Variants in TULP4 observed in about 807,000 individuals in gnomAD.
TULP4 encodes the protein TUB like protein 4.
In TULP4, 16 loss-of-function variants were observed where a neutral mutation model predicts 129.0. The observed-to-expected ratio is 0.12, with a 90% CI of 0.08 to 0.19. The LOEUF is 0.19. Among genes scored for constraint, TULP4 ranks in the 10% least tolerant of loss-of-function variants. The pLI is 1.00. For synonymous variants in TULP4, 998 were observed against 854.0 expected, an observed-to-expected ratio of 1.17 and a Z score of -2.94; for missense variants, 1,842 against 2,059.1, an observed-to-expected ratio of 0.89 and a Z score of 2.04.
rs3085241 is a variant in TULP4, at chr6:158,368,066, C to CAAAAAAA, written c.253-44983_253-44977dup. 1.4e-4 allele frequency among the ~76,000 whole-genome samples: 9 copies of CAAAAAAA among 65,012 alleles called. 1 individual carries two copies. Among genetic ancestry groups the CAAAAAAA allele is most frequent in the Admixed American group, 2.0e-4 (1 of 5,032 alleles). The allele number at this position is 65,012 out of a possible 152,430, so 42.7% of individuals were successfully genotyped here. ...ACTCCAGCCTGGGTGACCCTGTCTC[C>CAAAAAAA]AAAAAAAAAAAAAAAAAAAAAAGGA... On this transcript the variant is annotated intron_variant, in intron 1 of 13. Coordinates refer to ENST00000367097, the MANE Select transcript of TULP4 (RefSeq NM_020245.5).
chr6:158,338,565 T>C (rs370759219), intron 1 of TULP4, among the ~76,000 whole-genome samples: 4 of 152,208 alleles, frequency 2.6e-5, no homozygotes, highest in East Asian at 3.8e-4. Flanking sequence ...AGTGACCCTG[T>C]ATCCTTTGCG....
intron 1 of TULP4, among the ~76,000 whole-genome samples, chr6:158,349,823 A>G (rs1780455322): frequency 7.6e-6 from 1 of 131,570 alleles, no homozygotes; most frequent in Non-Finnish European, 1.6e-5. Flanking sequence ...CTCACCTCCC[A>G]GATGGGGCGG....
At chr6:158,295,562 GAACACC>G (rs1779012730) in intron 1 of TULP4, among the ~76,000 whole-genome samples, 1 of 151,446 alleles carries the variant, frequency 6.6e-6, no homozygotes, top group Admixed American at 6.6e-5. Context: ...AGAATAAAGT[GAACACC>G]CCGTAACTAC....
intron 1 of TULP4, among the ~76,000 whole-genome samples, chr6:158,368,984 G>T (rs1416270738): frequency 6.6e-6 from 1 of 152,024 alleles, no homozygotes; most frequent in Non-Finnish European, 1.5e-5. Flanking sequence ...GTGTTTGTTG[G>T]AGTTATTTTA....
intron 1 of TULP4, among the ~76,000 whole-genome samples, chr6:158,243,442 T>A (rs987986211): frequency 2.9e-5 from 4 of 135,692 alleles, no homozygotes; most frequent in African/African-American, 1.1e-4. Context: ...TGTGTGTGTT[T>A]ATATCATATC....
In TULP4 at chr6:158,491,472, T is replaced by TTTTCTTTC. The variant is rs201892013; in HGVS notation, c.1631+1779_1631+1786dup. On this transcript the variant is annotated intron_variant, in intron 9 of 13. Coordinates refer to ENST00000367097, the MANE Select transcript of TULP4 (RefSeq NM_020245.5). ...TTTCTTTCTTTTCTTTCTTTCTTTC[T>TTTTCTTTC]TTTCTTTCTTTCTTTCTTTCTTTCT... Among the ~76,000 whole-genome samples, 304 of 39,386 alleles carry TTTTCTTTC rather than the reference T, an allele frequency of 7.7e-3. 3 individuals are homozygous for TTTTCTTTC. The highest frequency in any genetic ancestry group is 0.053 in the Middle Eastern group (5 of 94). 25.8% of individuals were successfully genotyped at this position (39,386 alleles called of 152,430 possible). A position where few individuals can be genotyped will look rare whatever the true frequency, so the allele number is the denominator to read the frequency against.
At position 158,425,535 on chromosome 6, in the gene TULP4, AAT is replaced by A. The variant is rs199809197; in HGVS notation, c.382-4200_382-4199del. Among the ~76,000 whole-genome samples the A allele has an allele frequency of 2.7e-3, 384 of 140,712 alleles. 10 individuals carry two copies. The highest frequency in any genetic ancestry group is 8.1e-3 in the African/African-American group (310 of 38,252). 92.3% of individuals were successfully genotyped at this position (140,712 alleles called of 152,430 possible). On this transcript the variant is annotated intron_variant, in intron 2 of 13. Coordinates refer to ENST00000367097, the MANE Select transcript of TULP4 (RefSeq NM_020245.5). ...TCTCAAAAAAAAAAAAAAAAAAAAAAATGGCAGCCGACGCAAGTGTAAAATGA... is the reference window on the plus strand; with the variant it reads ...TCTCAAAAAAAAAAAAAAAAAAAAAAGGCAGCCGACGCAAGTGTAAAATGA...
chr6:158,472,044 C>T (rs1385140724), intron 6 of TULP4, among the ~76,000 whole-genome samples: 5 of 152,190 alleles, frequency 3.3e-5, no homozygotes, highest in Non-Finnish European at 1.5e-5. Context: ...TCCTTCCCGC[C>T]GTTTTAGCTC....
intron 1 of TULP4, among the ~76,000 whole-genome samples, chr6:158,407,174 A>G (rs1047040420): frequency 6.6e-6 from 1 of 152,260 alleles, no homozygotes; most frequent in Non-Finnish European, 1.5e-5. Flanking sequence ...GGCTTAAGAG[A>G]AACTCAGTAA....
chr6:158,236,038 G>A (rs1390018221), intron 1 of TULP4, among the ~76,000 whole-genome samples: 1 of 152,186 alleles, frequency 6.6e-6, no homozygotes, highest in East Asian at 1.9e-4. Flanking sequence ...AATTGCGGCT[G>A]ATGCAGATGT....
chr6:158,255,345 C>A (rs1487857632), intron 1 of TULP4, among the ~76,000 whole-genome samples: 2 of 152,130 alleles, frequency 1.3e-5, no homozygotes, highest in East Asian at 3.9e-4. Context: ...TTTAGAGAGC[C>A]TCTTGTCTCC....
intron 3 of TULP4, among the ~76,000 whole-genome samples, chr6:158,435,196 T>TC (rs1778724864): frequency 6.6e-6 from 1 of 152,108 alleles, no homozygotes; most frequent in African/African-American, 2.4e-5. Flanking sequence ...GACACCCATT[T>TC]CCCCCCACAG....
intron 1 of TULP4, among the ~76,000 whole-genome samples, chr6:158,316,428 C>T (rs1428559849): frequency 6.6e-6 from 1 of 152,058 alleles, no homozygotes; most frequent in Non-Finnish European, 1.5e-5. Context: ...TTCATTTTTC[C>T]ACTGAGTTTA....
chr6:158,380,445 A>C (rs1777294595), intron 1 of TULP4, among the ~76,000 whole-genome samples: 1 of 152,186 alleles, frequency 6.6e-6, no homozygotes, highest in Non-Finnish European at 1.5e-5. Flanking sequence ...GGCTAGAAGA[A>C]ATGTTCTTGA....
chr6:158,252,064 C>T (rs1008797243), intron 1 of TULP4, among the ~76,000 whole-genome samples: 2 of 152,152 alleles, frequency 1.3e-5, no homozygotes, highest in African/African-American at 2.4e-5. Flanking sequence ...TGAGTTTGGA[C>T]GGTTTTGAAA....
chr6:158,292,666 A>G (rs969043294), intron 1 of TULP4, among the ~76,000 whole-genome samples: 5 of 152,066 alleles, frequency 3.3e-5, no homozygotes, highest in African/African-American at 1.2e-4. Context: ...GTCTTTATCA[A>G]CGTTTATTCA....
At chr6:158,451,791 T>A (rs1210911837) in intron 4 of TULP4, among the ~76,000 whole-genome samples, 1 of 152,266 alleles carries the variant, frequency 6.6e-6, no homozygotes. Context: ...TTGGATGTTG[T>A]ATGACATTAA....
chr6:158,438,322 A>C (rs943407695), intron 3 of TULP4, among the ~76,000 whole-genome samples: 1 of 152,014 alleles, frequency 6.6e-6, no homozygotes, highest in African/African-American at 2.4e-5. Flanking sequence ...ATTTCCTTCC[A>C]TAACCACAGT....
intron 1 of TULP4, among the ~76,000 whole-genome samples, chr6:158,304,316 C>A (rs1247367339): frequency 6.6e-6 from 1 of 152,108 alleles, no homozygotes; most frequent in Admixed American, 6.5e-5. Flanking sequence ...GTCATTAATT[C>A]AATTAGACAC....
Sources: allele counts gnomAD v4.1 joint callset (sites outside exome capture counted in the v4.1 genomes callset), GRCh38; gene constraint gnomAD v4.1.1; transcripts MANE v1.5; gene names NCBI Gene and HGNC (gene_info 2026-07-23, HGNC 2026-07-21).